Variants in TTC16 observed in about 807,000 individuals in gnomAD.
TTC16 encodes the protein tetratricopeptide repeat protein 16.
A neutral mutation model predicts 80.4 loss-of-function variants in TTC16; 66 were observed. The observed-to-expected ratio is 0.82, with a 90% CI of 0.67 to 1.01. TTC16 has a LOEUF of 1.01. Ranked by LOEUF, TTC16 falls within the 50% of genes least tolerant of loss-of-function variation. The probability of loss-of-function intolerance (pLI) is 0.00; values close to 1 mark genes in which losing one functional copy is unlikely to be tolerated. For missense variants in TTC16, 1,070 were observed against 1,103.2 expected (o/e 0.97, Z 0.43); for synonymous variants, 438 against 451.3 (o/e 0.97, Z 0.37).
At chr9:127,723,669 G>A (rs943863717) in intron 7 of TTC16, among the ~76,000 whole-genome samples, 2 of 152,208 alleles carry the variant, frequency 1.3e-5, no homozygotes, top group Non-Finnish European at 2.9e-5. Context: ...TTTCAGGAGG[G>A]AGTGCCGCTG....
rs748926033 is a variant in TTC16 at position 127,724,251 on chromosome 9, A to G, written c.1004A>G (p.Asn335Ser). The G allele has an allele frequency of 3.7e-6, 6 of 1,613,062 alleles. No homozygotes were observed. Among genetic ancestry groups the G allele is most frequent in the Admixed American group, 1.7e-5 (1 of 60,024 alleles). ...QAQRQLLLTY[N>S]DFAVHCYRQG... The stretch of plus-strand genomic sequence containing the variant: ...CAGCGCCAGCTGTTGCTGACCTACA[A>G]CGACTTTGCCGTGCACTGCTACAGG... Residue 335 changes from asparagine (N) to serine (S), a missense_variant, in exon 8 of 14, where the codon AAC (asparagine) becomes AGC (serine). Physicochemically the swap from Asn to Ser is conservative, Grantham distance 46 (BLOSUM62 1). Transcript: ENST00000373289.
chr9:127,717,281 G>A (rs1843109629), intron 2 of TTC16, 53 bp from the exon 3 acceptor site: 1 of 1,569,030 alleles, frequency 6.4e-7, no homozygotes, highest in Non-Finnish European at 8.7e-7. Flanking sequence ...CCTATGCCCT[G>A]GGCTGGTCCA....
chr9:127,727,268 A>G lies in TTC16; in HGVS notation c.1569-2A>G. 6.4e-7 allele frequency: 1 copy of G among 1,554,672 alleles called. No homozygotes were observed. The highest frequency in any genetic ancestry group is 8.7e-7 in the Non-Finnish European group (1 of 1,147,774). On this transcript the variant is annotated splice_acceptor_variant, in intron 11 of 13. Coordinates refer to ENST00000373289, the MANE Select transcript of TTC16 (RefSeq NM_144965.3). LOFTEE classifies it high-confidence loss of function. ...CAATACCTGGGGGGTATCGTTTGGC[A>G]GGATGCTTAAACGGCACGAGTTGGA... is the stretch of plus-strand genomic sequence containing the variant.
In TTC16 at chr9:127,722,893, G is replaced by T. The variant is rs956538297; in HGVS notation, c.658-226G>T. Among the ~76,000 whole-genome samples, 1 of 151,864 alleles carries T rather than the reference G, an allele frequency of 6.6e-6. No individual in the cohort carries two copies. Among genetic ancestry groups the T allele is most frequent in the African/African-American group, 2.4e-5 (1 of 41,316 alleles). The stretch of plus-strand genomic sequence containing the variant: ...TGAGGTGGAAGAATCGCTTGAACCC[G>T]GGAGGCAGAGGTTGCAGTGAGCCAA... On this transcript the variant is annotated intron_variant, in intron 6 of 13. Transcript: ENST00000373289. This position sits in a 1 kb window ranked among gnomAD's most constrained non-coding sequence, Gnocchi z 4.2.
chr9:127,720,356 C>G lies in TTC16; in HGVS notation c.618C>G (p.Val206=). The change falls in exon 6 of 14, where the codon GTC becomes GTG. Residue 206 remains valine (V), a synonymous_variant. Coordinates refer to ENST00000373289, the MANE Select transcript of TTC16 (RefSeq NM_144965.3). ...ELKQDTTNAD[V]YIFRARLYNF... ...AGCAGGACACCACCAACGCCGATGT[C>G]TACATCTTCCGGGCCAGACTCTACA... 1 of 1,612,940 alleles carries G rather than the reference C, an allele frequency of 6.2e-7. No homozygotes were observed. Among genetic ancestry groups the G allele is most frequent in the Non-Finnish European group, 8.5e-7 (1 of 1,179,812 alleles).
At chr9:127,728,348 C>A (rs1175130574) in intron 12 of TTC16, 1 of 152,264 alleles carries the variant, frequency 6.6e-6, no homozygotes, top group Non-Finnish European at 1.5e-5. Flanking sequence ...GTGGCAGCGG[C>A]CTGCTCCCTC....
In TTC16 at chr9:127,729,814, G is replaced by C. The variant is rs1192515746; in HGVS notation, c.1852+146G>C. On this transcript the variant is annotated intron_variant, in intron 13 of 13. Coordinates refer to ENST00000373289, the MANE Select transcript of TTC16 (RefSeq NM_144965.3). ...CCTGGGGCGAGTGGCTCTAGAGCGG[G>C]AGTAACACTGTTGCGGGGCTGCCCA... 3 of 675,560 alleles carry C rather than the reference G, an allele frequency of 4.4e-6. No homozygotes were observed. The Admixed American group carries it at 7.5e-5, about 17-fold the overall frequency. 41.8% of individuals were successfully genotyped at this position (675,560 alleles called of 1,614,324 possible).
At chr9:127,726,021 C>G (rs567201245) in intron 9 of TTC16, among the ~76,000 whole-genome samples, 2 of 152,286 alleles carry the variant, frequency 1.3e-5, no homozygotes, top group African/African-American at 4.8e-5. Context: ...TTCCCTACCC[C>G]AAGATCATAA....
rs762581028 is a variant in TTC16, at chr9:127,729,577, A to G, written c.1765-4A>G. ...TGAACTACAAAGCCTGTTTCTTGCC[A>G]TAGGAGAAAAAATCAGAGCTCATAC... On this transcript the variant is annotated splice_region_variant and splice_polypyrimidine_tract_variant and intron_variant, in intron 12 of 13. Transcript: ENST00000373289. 4.1e-5 allele frequency: 66 copies of G among 1,613,440 alleles called. No homozygotes were observed. The highest frequency in any genetic ancestry group is 2.2e-4 in the South Asian group (20 of 91,076).
Position 127,727,441 on chromosome 9 carries a change from A to G in TTC16, c.1740A>G (p.Glu580=). 1 of 1,592,742 alleles carries G rather than the reference A, an allele frequency of 6.3e-7. No individual in the cohort carries two copies. The highest frequency in any genetic ancestry group is 1.1e-5 in the South Asian group (1 of 88,376). Residue 580 remains glutamate, a synonymous_variant, in exon 12 of 14, where the codon GAA becomes GAG. Coordinates refer to ENST00000373289, the MANE Select transcript of TTC16 (RefSeq NM_144965.3). ...EGEAEAPEEE[E]EKEKEKKEEK... is the part of the protein sequence containing the mutation. ...AGGCTGAGGCCCCTGAGGAGGAGGAAGAAAAGGAGAAGGAGAAAAAAGAGG... is the reference window on the plus strand; with the variant it reads ...AGGCTGAGGCCCCTGAGGAGGAGGAGGAAAAGGAGAAGGAGAAAAAAGAGG...
intron 12 of TTC16, 90 bp downstream of exon 12, chr9:127,727,555 G>A: frequency 6.8e-7 from 1 of 1,477,660 alleles, no homozygotes; most frequent in East Asian, 2.5e-5. Flanking sequence ...GGCCAGTGGA[G>A]TCTGGCTTCC....
At chr9:127,729,413 TG>T in intron 12 of TTC16, 167 bp from the exon 13 acceptor site, 1 of 593,184 alleles carries the variant, frequency 1.7e-6, no homozygotes, top group Non-Finnish European at 3.0e-6. Flanking sequence ...CTCCCCTTCC[TG>T]CCAGGCTTAG....
chr9:127,720,055 T>C (rs376656264), intron 4 of TTC16, 23 bp from the exon 5 acceptor site: 70 of 1,611,268 alleles, frequency 4.3e-5, no homozygotes, highest in East Asian at 6.7e-5. Context: ...GCAAGCAGAA[T>C]TGACTGTCCC....
rs774784409 is a variant in TTC16 at position 127,731,251 on chromosome 9, G to T, written c.2468G>T (p.Gly823Val). ...CTCAGCAAAACTGAGTATGCCCAAG[G>T]CCAGGGCCAGAGGTCCAGCAAGGCT... ...WSLSKTEYAQ[G>V]QGQRSSKAEG... Residue 823 changes from glycine to valine, a missense_variant, in exon 14 of 14, where the codon GGC becomes GTC. Gly to Val is a moderately radical substitution (Grantham distance 109). Coordinates refer to ENST00000373289, the MANE Select transcript of TTC16 (RefSeq NM_144965.3). The T allele has an allele frequency of 1.9e-6, 3 of 1,612,736 alleles. No individual in the cohort carries two copies. The highest frequency in any genetic ancestry group is 2.5e-6 in the Non-Finnish European group (3 of 1,179,836).
chr9:127,717,763 C>T lies in TTC16; in HGVS notation c.417C>T (p.Leu139=), dbSNP rs1448302606. 6.2e-7 allele frequency: 1 copy of T among 1,613,042 alleles called. No homozygotes were observed. The highest frequency in any genetic ancestry group is 1.3e-5 in the African/African-American group (1 of 74,946). ...ACCTGGAGCGCCTCACCTTTGTGCT[C>T]TACCTACAGGTGCCTGGGGCCTCCC... is the stretch of plus-strand genomic sequence containing the variant. ...CKHLERLTFV[L]YLQGQCLFEQ... is the part of the protein sequence containing the mutation. Residue 139 remains leucine, a synonymous_variant, in exon 4 of 14, where the codon CTC becomes CTT. Transcript: ENST00000373289.
Position 127,729,638 on chromosome 9 carries a change from G to A in TTC16, c.1822G>A (p.Asp608Asn), listed in dbSNP as rs140053755. 9.5e-5 allele frequency: 153 copies of A among 1,613,582 alleles called. No individual in the cohort carries two copies. The highest frequency in any genetic ancestry group is 1.2e-4 in the Non-Finnish European group (147 of 1,180,008). The change falls in exon 13 of 14, where the codon GAC becomes AAC. Residue 608 changes from aspartate to asparagine, a missense_variant. Physicochemically the swap from Asp to Asn is conservative, Grantham distance 23. Transcript: ENST00000373289. ...KVASLSDSYL[D>N]QTSSASSMSF... is the part of the protein sequence containing the mutation. ...GGCGTCCCTGTCTGACAGCTACCTTGACCAGACCTCTTCAGCCTCCAGCAT... is the reference window on the plus strand; with the variant it reads ...GGCGTCCCTGTCTGACAGCTACCTTAACCAGACCTCTTCAGCCTCCAGCAT...
In TTC16 at chr9:127,717,670, CTG is replaced by C; in HGVS notation, c.327_328del (p.Cys109Ter). The C allele has an allele frequency of 1.2e-6, 2 of 1,614,084 alleles. No homozygotes were observed. Among genetic ancestry groups the C allele is most frequent in the Non-Finnish European group, 1.7e-6 (2 of 1,180,038 alleles). On this transcript the variant is annotated frameshift_variant, in exon 4 of 14. Transcript: ENST00000373289. LOFTEE classifies it high-confidence loss of function. ...TACGGGCTGAGGCCTACCTCCAGCT[CTG>C]TGACTTCTCCTCGGCCGCCCAGAAC... ...ALRAEAYLQL[C>X]DFSSAAQNLR...
intron 8 of TTC16, 29 bp downstream of exon 8, chr9:127,724,393 G>C (rs770875993): frequency 5.3e-5 from 85 of 1,606,182 alleles, no homozygotes; most frequent in South Asian, 2.7e-4. Flanking sequence ...ACTGGGGAGG[G>C]GGGGTGCGGG....
rs538209179 is a variant in TTC16, at chr9:127,717,752, A to G, written c.406A>G (p.Thr136Ala). The G allele has an allele frequency of 5.6e-6, 9 of 1,613,492 alleles. No individual in the cohort carries two copies. Among genetic ancestry groups the G allele is most frequent in the South Asian group, 5.5e-5 (5 of 91,060 alleles). ...CAACTGCAAGCACCTGGAGCGCCTC[A>G]CCTTTGTGCTCTACCTACAGGTGCC... ...QDNCKHLERL[T>A]FVLYLQGQCL... Residue 136 changes from threonine (T) to alanine (A), a missense_variant, in exon 4 of 14, where the codon ACC becomes GCC. By Grantham distance (58) the Thr-to-Ala change is moderately conservative (BLOSUM62 0). Transcript: ENST00000373289.
Sources: allele counts gnomAD v4.1 joint callset (sites outside exome capture counted in the v4.1 genomes callset), GRCh38; gene constraint gnomAD v4.1.1; non-coding constraint Gnocchi (gnomAD v3.1); transcripts MANE v1.5; gene names NCBI Gene and HGNC (gene_info 2026-07-23, HGNC 2026-07-21).